The following GRIP1 variants were observed in gnomAD, a reference collection of about 807,000 sequenced individuals.
GRIP1 encodes glutamate receptor-interacting protein 1.
GRIP1 carries 45 observed loss-of-function variants against 129.9 expected under a neutral mutation model. The ratio of observed to expected loss-of-function variants is 0.35; its 90% CI spans 0.27 to 0.44. The LOEUF is 0.44. Among genes scored for constraint, GRIP1 ranks in the 20% least tolerant of loss-of-function variants. GRIP1 has a pLI of 1.00. For missense variants in GRIP1, 1,196 were observed against 1,396.8 expected (o/e 0.86, Z 2.29); for synonymous variants, 530 against 520.8 (o/e 1.02, Z -0.24).
At chr12:66,809,492 A>T (rs113599688) in intron 1 of GRIP1, among the ~76,000 whole-genome samples, 1 of 152,036 alleles carries the variant, frequency 6.6e-6, no homozygotes, top group African/African-American at 2.4e-5. Flanking sequence ...ACCCTGACCT[A>T]CTGAGGATGA....
chr12:66,436,673 G>T (rs193170853), intron 13 of GRIP1, among the ~76,000 whole-genome samples: 1 of 152,006 alleles, frequency 6.6e-6, no homozygotes, highest in Admixed American at 6.6e-5. Context: ...GTGGAGTATA[G>T]TACCTATATT....
chr12:66,785,276 T>C (rs1373860082), intron 1 of GRIP1, among the ~76,000 whole-genome samples: 3 of 146,792 alleles, frequency 2.0e-5, no homozygotes, highest in Non-Finnish European at 3.0e-5. Flanking sequence ...CTGGGCAACA[T>C]GGTGAAACCC....
intron 1 of GRIP1, among the ~76,000 whole-genome samples, chr12:66,602,848 C>CT (rs71436016): frequency 0.089 from 6,380 of 71,518 alleles, 1,944 homozygotes; most frequent in Non-Finnish European, 0.13. Flanking sequence ...AGATCTTTTG[C>CT]TTTTTTTTTT....
chr12:66,991,221 C>T lies in GRIP1; in HGVS notation c.58+77829G>A, dbSNP rs1253127307. On this transcript the variant is annotated intron_variant, in intron 1 of 1. Transcript: ENST00000643019. The stretch of plus-strand genomic sequence containing the variant: ...CCGGGAGGCAGAGCTTGCAGTGAGC[C>T]GAGATCACGCCACTGCACTCAAGCG... Among the ~76,000 whole-genome samples the T allele has an allele frequency of 3.2e-4, 48 of 151,876 alleles. 1 individual carries two copies. Among genetic ancestry groups the T allele is most frequent in the Admixed American group, 1.8e-3 (28 of 15,226 alleles).
intron 9 of GRIP1, among the ~76,000 whole-genome samples, chr12:66,458,559 A>AT (rs1265867132): frequency 6.6e-6 from 1 of 151,978 alleles, no homozygotes; most frequent in African/African-American, 2.4e-5. Flanking sequence ...TAATTTTTGT[A>AT]TTTTTGGTAG....
chr12:66,846,649 A>C (rs2039821834), intron 1 of GRIP1, among the ~76,000 whole-genome samples: 2 of 152,224 alleles, frequency 1.3e-5, no homozygotes. Context: ...GTGTGTGCAC[A>C]TGGCCAAAAT....
chr12:66,780,373 A>G (rs1294693058), intron 1 of GRIP1, among the ~76,000 whole-genome samples: 1 of 152,158 alleles, frequency 6.6e-6, no homozygotes. Context: ...ACCCAAGTCA[A>G]AGCCAGTGAG....
At chr12:66,822,281 A>C (rs1380429177) in intron 1 of GRIP1, among the ~76,000 whole-genome samples, 1 of 152,214 alleles carries the variant, frequency 6.6e-6, no homozygotes, top group Non-Finnish European at 1.5e-5. Context: ...TACTTGTGAA[A>C]AATTCCAAAA....
At chr12:66,463,871 C>A (rs2059206938) in intron 8 of GRIP1, among the ~76,000 whole-genome samples, 1 of 152,114 alleles carries the variant, frequency 6.6e-6, no homozygotes, top group South Asian at 2.1e-4. Context: ...AACTGGTTAC[C>A]CCCTGTGGAA....
chr12:66,814,178 C>T (rs1038902873), intron 1 of GRIP1, among the ~76,000 whole-genome samples: 2 of 151,420 alleles, frequency 1.3e-5, no homozygotes, highest in African/African-American at 4.9e-5. Flanking sequence ...GTAAATGTAC[C>T]ACCTTCAGCT....
chr12:66,861,817 C>A (rs909036500), intron 1 of GRIP1, among the ~76,000 whole-genome samples: 12 of 152,082 alleles, frequency 7.9e-5, no homozygotes, highest in African/African-American at 2.7e-4. Context: ...GGTCAAAATT[C>A]TTTAGCACAA....
chr12:66,617,800 A>T (rs1040714501), intron 1 of GRIP1, among the ~76,000 whole-genome samples: 6 of 151,566 alleles, frequency 4.0e-5, no homozygotes, highest in Non-Finnish European at 7.4e-5. Context: ...TAAGAAATGC[A>T]TATTAAAGCC....
At chr12:66,577,773 G>T (rs796586779) in intron 2 of GRIP1, among the ~76,000 whole-genome samples, 1 of 152,082 alleles carries the variant, frequency 6.6e-6, no homozygotes, top group Non-Finnish European at 1.5e-5. Context: ...AACATGGCAA[G>T]ATTGTGTACC....
At chr12:66,878,173 A>C (rs1418557442) in intron 1 of GRIP1, among the ~76,000 whole-genome samples, 1 of 152,036 alleles carries the variant, frequency 6.6e-6, no homozygotes, top group Non-Finnish European at 1.5e-5. Flanking sequence ...GCTGGCTGCT[A>C]TGGAGTGGGA....
chr12:66,431,105 T>C (rs971222702), intron 14 of GRIP1, among the ~76,000 whole-genome samples: 4 of 152,184 alleles, frequency 2.6e-5, no homozygotes, highest in Non-Finnish European at 5.9e-5. Flanking sequence ...GCATGAGTGT[T>C]TGCATGCAGA....
At chr12:66,826,111 T>C (rs59634084) in intron 1 of GRIP1, among the ~76,000 whole-genome samples, 24,576 of 152,076 alleles carry the variant, frequency 0.16, 2,136 homozygotes, top group East Asian at 0.37. Context: ...ATATACACCA[T>C]GGAATACTAT....
chr12:66,750,489 C>T (rs1226093124), intron 1 of GRIP1, among the ~76,000 whole-genome samples: 2 of 152,190 alleles, frequency 1.3e-5, no homozygotes, highest in Non-Finnish European at 2.9e-5. Flanking sequence ...AGACAAGCCC[C>T]TGGCTACTTT....
At chr12:66,945,997 C>T (rs548620963) in intron 1 of GRIP1, among the ~76,000 whole-genome samples, 1 of 152,314 alleles carries the variant, frequency 6.6e-6, no homozygotes, top group African/African-American at 2.4e-5. Flanking sequence ...TCCTCAATTC[C>T]TCCCCTTCCT....
At chr12:66,985,764 C>T (rs1468208880) in intron 1 of GRIP1, among the ~76,000 whole-genome samples, 1 of 152,178 alleles carries the variant, frequency 6.6e-6, no homozygotes, top group Admixed American at 6.5e-5. Context: ...TGCCCTAAAA[C>T]AGCACTGTAA....
Sources: allele counts gnomAD v4.1 joint callset (sites outside exome capture counted in the v4.1 genomes callset), GRCh38; gene constraint gnomAD v4.1.1; transcripts MANE v1.5; gene names NCBI Gene and HGNC (gene_info 2026-07-23, HGNC 2026-07-21).